The following LIPA variants were observed in gnomAD, a reference collection of about 807,000 sequenced individuals.
The protein encoded by LIPA is lipase A, lysosomal acid type.
A neutral mutation model predicts 40.6 loss-of-function variants in LIPA; 26 were observed. The observed-to-expected ratio is 0.64, with a 90% CI of 0.47 to 0.89. LIPA has a LOEUF of 0.89. Ranked by LOEUF, LIPA falls within the 40% of genes least tolerant of loss-of-function variation. The probability of loss-of-function intolerance (pLI) is 0.00; values close to 1 mark genes in which losing one functional copy is unlikely to be tolerated. For missense variants in LIPA, 455 were observed against 479.6 expected (o/e 0.95, Z 0.48); for synonymous variants, 188 against 168.4 (o/e 1.12, Z -0.90).
chr10:89,364,742 AAAAAGTCC>A (rs1353803389), intron 2 of LIPA, among the ~76,000 whole-genome samples: 1 of 151,702 alleles, frequency 6.6e-6, no homozygotes, highest in Non-Finnish European at 1.5e-5. Flanking sequence ...GAGAAAGTGA[AAAAAGTCC>A]CCCTATTTGA....
rs200060906 is a variant in LIPA at position 89,394,577 on chromosome 10, AATATATATAT to A, written c.61+18204_61+18213del. Among the ~76,000 whole-genome samples, 539 of 108,668 alleles carry A rather than the reference AATATATATAT, an allele frequency of 5.0e-3. 5 individuals carry two copies. The highest frequency in any genetic ancestry group is 7.3e-3 in the South Asian group (25 of 3,404). 71.3% of individuals were successfully genotyped at this position (108,668 alleles called of 152,430 possible). ...TTTATGTCAATATGTACTACAGGAA[AATATATATAT>A]ATATATATATATATATATATATATA... On this transcript the variant is annotated intron_variant, in intron 2 of 8. Transcript: ENST00000371837.
chr10:89,304,341 T>G (rs974831005), intron 1 of LIPA, among the ~76,000 whole-genome samples: 1 of 152,120 alleles, frequency 6.6e-6, no homozygotes, highest in African/African-American at 2.4e-5. Context: ...GAAAAGCTCA[T>G]GTCCAAACAG....
At chr10:89,301,979 GA>G in intron 1 of LIPA, 1 of 688,900 alleles carries the variant, frequency 1.5e-6, no homozygotes, top group Non-Finnish European at 2.4e-6. Context: ...AACGTCAGCT[GA>G]AGGGAAACAA....
chr10:89,385,654 C>T (rs1844205243), intron 2 of LIPA, among the ~76,000 whole-genome samples: 1 of 152,200 alleles, frequency 6.6e-6, no homozygotes, highest in South Asian at 2.1e-4. Context: ...CTACAGCATT[C>T]TAGCTGGAGT....
rs117464836 is a variant in LIPA at position 89,249,169 on chromosome 10, G to C, written c.-1-1520C>G. Among the ~76,000 whole-genome samples, 4 of 152,268 alleles carry C rather than the reference G, an allele frequency of 2.6e-5. No individual in the cohort carries two copies. The East Asian group carries it at 7.7e-4, about 29-fold the overall frequency. ...GAAAAAAGTGAAATGAAAGAAAATA[G>C]AGCTTTCAAAAGAAACAGAAAGGAA... On this transcript the variant is annotated intron_variant, in intron 1 of 9. Transcript: ENST00000336233.
rs1207741303 is a variant in LIPA, at chr10:89,225,220, C to A, written c.547G>T (p.Ala183Ser). ...GCCAGCTCAGGGATCTGTGAAAATG[C>A]TATAAAACCTGTGAGAACAAAGGAC... ...HSQGTTIGFI[A>S]FSQIPELAKR... Residue 183 changes from alanine (A) to serine (S), a missense_variant, in exon 6 of 10, where the codon GCA (alanine) becomes TCA (serine). Ala to Ser is a moderately conservative substitution (Grantham distance 99, BLOSUM62 1). Transcript: ENST00000336233. 19 of 1,614,120 alleles carry A rather than the reference C, an allele frequency of 1.2e-5. No individual in the cohort carries two copies. Among genetic ancestry groups the A allele is most frequent in the Non-Finnish European group, 1.5e-5 (18 of 1,180,004 alleles).
intron 1 of LIPA, among the ~76,000 whole-genome samples, chr10:89,279,684 C>A (rs1024594303): frequency 6.6e-6 from 1 of 152,120 alleles, no homozygotes; most frequent in Non-Finnish European, 1.5e-5. Flanking sequence ...AGTGACCTTC[C>A]CATGCTCCCA....
chr10:89,220,185 A>G lies in LIPA; in HGVS notation c.894+2326T>C, dbSNP rs11817360. On this transcript the variant is annotated intron_variant, in intron 8 of 9. Coordinates refer to ENST00000336233, the MANE Select transcript of LIPA (RefSeq NM_000235.4). The stretch of plus-strand genomic sequence containing the variant: ...TTCAACATTCCCAAGGGCCTCTGAC[A>G]TCCCAGGTCTGGTGGCCATTTGTAC... Among the ~76,000 whole-genome samples the G allele has an allele frequency of 2.8e-3, 420 of 152,320 alleles. 1 individual carries two copies. The highest frequency in any genetic ancestry group is 9.2e-3 in the African/African-American group (383 of 41,572).
At chr10:89,367,074 G>A (rs1308996053) in intron 2 of LIPA, among the ~76,000 whole-genome samples, 2 of 150,974 alleles carry the variant, frequency 1.3e-5, no homozygotes, top group African/African-American at 2.4e-5. Flanking sequence ...CTATCTCAAG[G>A]ACAAAAAACC....
chr10:89,392,088 C>T (rs936306897), intron 2 of LIPA, among the ~76,000 whole-genome samples: 1 of 152,158 alleles, frequency 6.6e-6, no homozygotes, highest in Non-Finnish European at 1.5e-5. Context: ...AGGTATTGGT[C>T]TCTTTCCTTC....
intron 3 of LIPA, among the ~76,000 whole-genome samples, chr10:89,243,050 G>A (rs1180110580): frequency 6.6e-6 from 1 of 152,172 alleles, no homozygotes; most frequent in African/African-American, 2.4e-5. Flanking sequence ...GAGGATGCTG[G>A]TGCTATTAAT....
Position 89,372,218 on chromosome 10 carries a change from T to C in LIPA, c.61+40573A>G, listed in dbSNP as rs190533701. 2.0e-3 allele frequency among the ~76,000 whole-genome samples: 311 copies of C among 152,354 alleles called. 1 individual carries two copies. Among genetic ancestry groups the C allele is most frequent in the African/African-American group, 7.3e-3 (302 of 41,588 alleles). On this transcript the variant is annotated intron_variant, in intron 2 of 8. Coordinates refer to the LIPA transcript ENST00000371837. ...GACTTGAGATACAAGAACAGGTTTA[T>C]GGTCCTAGACCAAAGCCTTTCCCCT... is the stretch of plus-strand genomic sequence containing the variant.
chr10:89,330,109 A>G (rs948188155), intron 1 of LIPA, among the ~76,000 whole-genome samples: 11 of 152,090 alleles, frequency 7.2e-5, no homozygotes, highest in Non-Finnish European at 1.3e-4. Context: ...TAAGGCAGGA[A>G]CTGGCCATCT....
At chr10:89,367,566 G>T (rs938011686) in intron 2 of LIPA, among the ~76,000 whole-genome samples, 1 of 152,164 alleles carries the variant, frequency 6.6e-6, no homozygotes, top group Non-Finnish European at 1.5e-5. Context: ...GAAGTTAGAT[G>T]GCATTATTTA....
chr10:89,248,636 G>C (rs1478340329), intron 1 of LIPA, among the ~76,000 whole-genome samples: 1 of 148,500 alleles, frequency 6.7e-6, no homozygotes, highest in Non-Finnish European at 1.5e-5. Context: ...CACCACGCCC[G>C]GCAAATTTTT....
intron 1 of LIPA, chr10:89,339,687 T>C (rs1249204031): frequency 1.2e-6 from 2 of 1,614,096 alleles, no homozygotes; most frequent in South Asian, 1.1e-5. Flanking sequence ...CGGAATGTTA[T>C]CAGACACCAT....
chr10:89,409,517 G>A (rs1005715689), intron 2 of LIPA, among the ~76,000 whole-genome samples: 2 of 152,214 alleles, frequency 1.3e-5, no homozygotes, highest in African/African-American at 4.8e-5. Context: ...AAGGTTCTCT[G>A]GGACAGAAGC....
chr10:89,224,762 C>T (rs1842744822), intron 6 of LIPA, among the ~76,000 whole-genome samples: 2 of 152,154 alleles, frequency 1.3e-5, no homozygotes, highest in South Asian at 2.1e-4. Flanking sequence ...ATCCTCTGTG[C>T]ACAGGCTCAC....
chr10:89,238,238 G>A (rs918346173), intron 3 of LIPA, among the ~76,000 whole-genome samples: 10 of 152,314 alleles, frequency 6.6e-5, no homozygotes, highest in African/African-American at 2.2e-4. Flanking sequence ...AGAGCTAATA[G>A]ACACACCAGA....
Sources: gnomAD v4.1 joint callset for allele counts (sites outside exome capture counted in the v4.1 genomes callset) on GRCh38, gnomAD v4.1.1 for gene constraint, MANE v1.5 for transcripts, NCBI Gene and HGNC (gene_info 2026-07-23, HGNC 2026-07-21) for gene names.